DLEU7: variants seen among roughly 807,000 people sequenced by gnomAD.
DLEU7 encodes deleted in lymphocytic leukemia 7, also known as leukemia-associated protein 7.
A neutral mutation model predicts 16.0 loss-of-function variants in DLEU7; 17 were observed. The ratio of observed to expected loss-of-function variants is 1.06; its 90% CI spans 0.73 to 1.59. DLEU7 has a LOEUF of 1.59. Ranked by LOEUF, DLEU7 falls within the 40% of genes most tolerant of loss-of-function variation. The probability of loss-of-function intolerance (pLI) is 0.00; values close to 1 mark genes in which losing one functional copy is unlikely to be tolerated. For synonymous variants in DLEU7, 113 were observed against 139.8 expected, an observed-to-expected ratio of 0.81 and a Z score of 1.35; for missense variants, 308 against 314.9, an observed-to-expected ratio of 0.98 and a Z score of 0.17.
At chr13:50,742,896 TA>T (rs1349811409) in intron 1 of DLEU7, among the ~76,000 whole-genome samples, 1 of 151,966 alleles carries the variant, frequency 6.6e-6, no homozygotes, top group Non-Finnish European at 1.5e-5. Flanking sequence ...ATATAGAGTA[TA>T]AAAAACCCTC....
At chr13:50,791,227 C>G (rs1875948622) in intron 1 of DLEU7, among the ~76,000 whole-genome samples, 1 of 152,212 alleles carries the variant, frequency 6.6e-6, no homozygotes, top group Non-Finnish European at 1.5e-5. Flanking sequence ...TGGCTGGGCT[C>G]TTCTCTGAGC....
At chr13:50,762,189 CAA>C (rs71085045) in intron 1 of DLEU7, among the ~76,000 whole-genome samples, 32,283 of 83,220 alleles carry the variant, frequency 0.39, 2,607 homozygotes, top group Non-Finnish European at 0.42. Context: ...AGACTCGTCT[CAA>C]AAAAAAAAAA....
At chr13:50,713,025 G>A (rs1467410383) in exon 2 of DLEU7, 11 of 587,166 alleles carry the variant, frequency 1.9e-5, no homozygotes, top group Non-Finnish European at 3.0e-5. Flanking sequence ...CGTTCCAATC[G>A]GAGGTAATAA....
rs965078100 is a variant in DLEU7 at position 50,767,380 on chromosome 13, C to T, written c.460-54140G>A. On this transcript the variant is annotated intron_variant, in intron 1 of 1. Transcript: ENST00000400393. ...CTGAGGCAGGAGAATGGCGTGAACCCGGGAGGCGGAGCTTGCAGTGAGCCG... is the reference window on the plus strand; with the variant it reads ...CTGAGGCAGGAGAATGGCGTGAACCTGGGAGGCGGAGCTTGCAGTGAGCCG... Among the ~76,000 whole-genome samples, 3 of 148,852 alleles carry T rather than the reference C, an allele frequency of 2.0e-5. No homozygotes were observed. The East Asian group carries it at 6.1e-4, about 30-fold the overall frequency.
At chr13:50,736,899 A>G (rs1874086039) in intron 1 of DLEU7, among the ~76,000 whole-genome samples, 1 of 152,156 alleles carries the variant, frequency 6.6e-6, no homozygotes, top group South Asian at 2.1e-4. Flanking sequence ...AAAATTTAGC[A>G]ACTTGAGGTT....
chr13:50,757,491 G>A (rs1469242800), intron 1 of DLEU7, among the ~76,000 whole-genome samples: 1 of 152,106 alleles, frequency 6.6e-6, no homozygotes, highest in African/African-American at 2.4e-5. Context: ...TTTCATTTCT[G>A]CTGCATGGCA....
At chr13:50,830,386 T>G (rs1877223781) in intron 1 of DLEU7, among the ~76,000 whole-genome samples, 1 of 152,234 alleles carries the variant, frequency 6.6e-6, no homozygotes, top group Non-Finnish European at 1.5e-5. Context: ...GATATGGTAC[T>G]TGATCTATAA....
chr13:50,756,241 T>C (rs1816903604), intron 1 of DLEU7, among the ~76,000 whole-genome samples: 1 of 152,142 alleles, frequency 6.6e-6, no homozygotes, highest in South Asian at 2.1e-4. Flanking sequence ...TGTGGTAGTA[T>C]GGAGAGAAAC....
At chr13:50,750,790 T>G (rs1027180006) in intron 1 of DLEU7, among the ~76,000 whole-genome samples, 2 of 152,216 alleles carry the variant, frequency 1.3e-5, no homozygotes, top group African/African-American at 4.8e-5. Context: ...TATATTAACC[T>G]TGTATCCAGA....
chr13:50,752,936 G>T (rs983472640), intron 1 of DLEU7, among the ~76,000 whole-genome samples: 1 of 152,072 alleles, frequency 6.6e-6, no homozygotes, highest in Non-Finnish European at 1.5e-5. Flanking sequence ...AGAGCCAAGG[G>T]GTCTGTTTTG....
At chr13:50,723,872 T>C (rs999836889) in intron 1 of DLEU7, among the ~76,000 whole-genome samples, 1 of 151,834 alleles carries the variant, frequency 6.6e-6, no homozygotes, top group Admixed American at 6.6e-5. Context: ...CACATATATA[T>C]ATATAATTTA....
chr13:50,806,357 G>C (rs1876388980), intron 1 of DLEU7, among the ~76,000 whole-genome samples: 1 of 151,906 alleles, frequency 6.6e-6, no homozygotes, highest in African/African-American at 2.4e-5. Context: ...CCATTGGATA[G>C]AGATCTTAGC....
At chr13:50,831,151 G>A (rs2137809039) in intron 1 of DLEU7, among the ~76,000 whole-genome samples, 1 of 151,678 alleles carries the variant, frequency 6.6e-6, no homozygotes, top group Admixed American at 6.6e-5. Flanking sequence ...GAAAAAGAAA[G>A]GGGAAGGGAA....
chr13:50,765,296 A>C (rs1192027563), intron 1 of DLEU7, among the ~76,000 whole-genome samples: 1 of 152,222 alleles, frequency 6.6e-6, no homozygotes, highest in African/African-American at 2.4e-5. Context: ...CAATGACTCA[A>C]ATAGCACTGC....
chr13:50,748,611 C>A (rs1874470600), intron 1 of DLEU7, among the ~76,000 whole-genome samples: 1 of 152,026 alleles, frequency 6.6e-6, no homozygotes, highest in South Asian at 2.1e-4. Flanking sequence ...CCTAGTCCCA[C>A]CTTTTTTAAA....
chr13:50,772,592 C>G (rs1875352319), intron 1 of DLEU7, among the ~76,000 whole-genome samples: 1 of 152,152 alleles, frequency 6.6e-6, no homozygotes, highest in African/African-American at 2.4e-5. Context: ...TGAATATTGG[C>G]CCCCACTCTC....
At chr13:50,815,972 A>T (rs1020677898) in intron 1 of DLEU7, among the ~76,000 whole-genome samples, 1 of 152,126 alleles carries the variant, frequency 6.6e-6, no homozygotes, top group Admixed American at 6.6e-5. Flanking sequence ...AGTGGGTATC[A>T]TGGTAAACAT....
Position 50,767,442 on chromosome 13 carries a change from C to G in DLEU7, c.460-54202G>C, listed in dbSNP as rs569092633. On this transcript the variant is annotated intron_variant, in intron 1 of 1. Transcript: ENST00000400393. Reference sequence around the variant, plus strand: ...CTGCACTCCAGCCTGGGCGACAGAGCGAGACTCCGTCTCAAAAAAAAAAAA... The same window carrying G: ...CTGCACTCCAGCCTGGGCGACAGAGGGAGACTCCGTCTCAAAAAAAAAAAA... Among the ~76,000 whole-genome samples the G allele has an allele frequency of 7.7e-5, 9 of 117,276 alleles. No homozygotes were observed. In the South Asian group the frequency reaches 2.7e-3, roughly 35 times the overall value. 76.9% of individuals were successfully genotyped at this position (117,276 alleles called of 152,430 possible). A position where few individuals can be genotyped will look rare whatever the true frequency, so the allele number is the denominator to read the frequency against.
intron 1 of DLEU7, among the ~76,000 whole-genome samples, chr13:50,823,863 T>C (rs1876999440): frequency 6.6e-6 from 1 of 152,212 alleles, no homozygotes; most frequent in African/African-American, 2.4e-5. Flanking sequence ...ACCATAAGGA[T>C]AGCATCCAAA....
Sources: allele counts gnomAD v4.1 joint callset (sites outside exome capture counted in the v4.1 genomes callset), GRCh38; gene constraint gnomAD v4.1.1; transcripts MANE v1.5; gene names NCBI Gene and HGNC (gene_info 2026-07-23, HGNC 2026-07-21).